DNAH7: variants seen among roughly 807,000 people sequenced by gnomAD.
The protein encoded by DNAH7 is axonemal beta dynein heavy chain 7.
Under a neutral mutation model 444.6 loss-of-function variants are expected in DNAH7, and 397 were observed. The observed-to-expected ratio is 0.89, with a 90% confidence interval of 0.82 to 0.97. DNAH7 has a LOEUF of 0.97. Among genes scored for constraint, DNAH7 ranks in the 50% least tolerant of loss-of-function variants. DNAH7 has a pLI of 0.00. For synonymous variants in DNAH7, 1,636 were observed against 1,624.4 expected, an observed-to-expected ratio of 1.01 and a Z score of -0.17; for missense variants, 4,902 against 4,800.8, an observed-to-expected ratio of 1.02 and a Z score of -0.62.
chr2:195,825,145 C>G (rs1385754536), intron 48 of DNAH7: 1 of 152,134 alleles, frequency 6.6e-6, no homozygotes, highest in African/African-American at 2.4e-5. Context: ...CAGGTGGCAG[C>G]TACTTGGGAG....
chr2:195,947,369 G>A (rs1180710132), intron 19 of DNAH7, among the ~76,000 whole-genome samples: 2 of 151,868 alleles, frequency 1.3e-5, no homozygotes, highest in South Asian at 2.1e-4. Flanking sequence ...AGGTATACAC[G>A]TGCCATCGTG....
At chr2:196,058,374 A>G (rs1458329987) in intron 1 of DNAH7, among the ~76,000 whole-genome samples, 1 of 152,206 alleles carries the variant, frequency 6.6e-6, no homozygotes, top group Non-Finnish European at 1.5e-5. Context: ...TATATATAGG[A>G]TACGCCAGGA....
At position 195,858,495 on chromosome 2, in the gene DNAH7, G is replaced by A. The variant is rs757123752; in HGVS notation, c.8046C>T (p.Ala2682=). The A allele has an allele frequency of 1.9e-6, 3 of 1,608,260 alleles. No individual in the cohort carries two copies. Among genetic ancestry groups the A allele is most frequent in the Non-Finnish European group, 2.5e-6 (3 of 1,176,982 alleles). ...TTACCTGTGCAGTAAGAGTATCAAGGGCGGCCAGTGCTGACTCTAATATTG... is the reference window on the plus strand; with the variant it reads ...TTACCTGTGCAGTAAGAGTATCAAGAGCGGCCAGTGCTGACTCTAATATTG... ...ALPILESALA[A]LDTLTAQDIT... The change falls in exon 43 of 65, where the codon GCC becomes GCT. Residue 2682 remains alanine, a synonymous_variant. Transcript: ENST00000312428.
intron 13 of DNAH7, among the ~76,000 whole-genome samples, chr2:195,987,547 G>T (rs1483281902): frequency 6.6e-6 from 1 of 151,956 alleles, no homozygotes; most frequent in Non-Finnish European, 1.5e-5. Flanking sequence ...AGAAAATTTA[G>T]AAAATGTAAA....
chr2:195,984,249 G>A (rs1692760037), intron 15 of DNAH7, among the ~76,000 whole-genome samples: 1 of 152,158 alleles, frequency 6.6e-6, no homozygotes, highest in Non-Finnish European at 1.5e-5. Context: ...GTGACCCCAT[G>A]GAGACCAGAA....
chr2:195,956,227 A>C (rs1690643820), intron 19 of DNAH7, among the ~76,000 whole-genome samples: 1 of 152,226 alleles, frequency 6.6e-6, no homozygotes, highest in South Asian at 2.1e-4. Flanking sequence ...GATAATACTT[A>C]TCCTACCTTA....
At chr2:195,834,528 T>A in intron 47 of DNAH7, 168 bp from the exon 48 acceptor site, 2 of 595,274 alleles carry the variant, frequency 3.4e-6, no homozygotes, top group Non-Finnish European at 5.0e-6. Flanking sequence ...GTAGATTGAG[T>A]GGGCTACCTG....
chr2:195,753,789 A>C (rs1462117402), intron 63 of DNAH7, among the ~76,000 whole-genome samples: 1 of 152,212 alleles, frequency 6.6e-6, no homozygotes, highest in Non-Finnish European at 1.5e-5. Context: ...ATTTCCTCAC[A>C]ATCTTTCAAC....
At chr2:195,851,613 T>C (rs576673848) in intron 46 of DNAH7, among the ~76,000 whole-genome samples, 29 of 152,266 alleles carry the variant, frequency 1.9e-4, no homozygotes, top group African/African-American at 5.8e-4. Flanking sequence ...TAGGTGATGA[T>C]GGCAAAGTCA....
rs531336738 is a variant in DNAH7 at position 195,991,499 on chromosome 2, TA to T, written c.1354-3271del. On this transcript the variant is annotated intron_variant, in intron 12 of 64. Coordinates refer to ENST00000312428, the MANE Select transcript of DNAH7 (RefSeq NM_018897.3). Reference sequence around the variant, plus strand: ...ATAAAACAAAACAAAATAACACTTTTAAAAAATTACAAAACAGCTAGAAAAT... The same window carrying T: ...ATAAAACAAAACAAAATAACACTTTTAAAAATTACAAAACAGCTAGAAAAT... Among the ~76,000 whole-genome samples the T allele has an allele frequency of 4.9e-4, 75 of 152,306 alleles. 1 individual carries two copies. Among genetic ancestry groups the T allele is most frequent in the African/African-American group, 1.7e-3 (70 of 41,564 alleles).
intron 19 of DNAH7, among the ~76,000 whole-genome samples, chr2:195,948,129 T>C (rs994970054): frequency 6.6e-6 from 1 of 152,210 alleles, no homozygotes; most frequent in Non-Finnish European, 1.5e-5. Context: ...TTGCCCACTT[T>C]CTGATGGGGT....
At chr2:195,869,093 T>A (rs1700522511) in intron 40 of DNAH7, among the ~76,000 whole-genome samples, 1 of 151,910 alleles carries the variant, frequency 6.6e-6, no homozygotes, top group Non-Finnish European at 1.5e-5. Context: ...GAATGGTGAG[T>A]AAAACAGGTT....
At chr2:195,971,832 T>G (rs1188788855) in intron 16 of DNAH7, among the ~76,000 whole-genome samples, 6 of 152,030 alleles carry the variant, frequency 3.9e-5, no homozygotes, top group African/African-American at 1.4e-4. Flanking sequence ...GGCACAATGC[T>G]CATGAGAGTG....
intron 46 of DNAH7, among the ~76,000 whole-genome samples, chr2:195,848,904 C>A (rs1218316854): frequency 6.6e-6 from 1 of 152,120 alleles, no homozygotes; most frequent in African/African-American, 2.4e-5. Flanking sequence ...AAGAATTCTG[C>A]GTTTTTAACT....
intron 24 of DNAH7, among the ~76,000 whole-genome samples, chr2:195,913,311 G>A (rs1465344559): frequency 6.6e-6 from 1 of 152,092 alleles, no homozygotes; most frequent in African/African-American, 2.4e-5. Context: ...TTAACTTTAG[G>A]CTTTATTAAG....
At chr2:196,003,177 G>T (rs530561445) in intron 10 of DNAH7, among the ~76,000 whole-genome samples, 3 of 142,870 alleles carry the variant, frequency 2.1e-5, no homozygotes, top group South Asian at 4.3e-4. Flanking sequence ...AAAAAAAAAA[G>T]ATGGAAAAGA....
At chr2:195,762,370 T>A (rs1694385901) in intron 61 of DNAH7, among the ~76,000 whole-genome samples, 2 of 152,148 alleles carry the variant, frequency 1.3e-5, no homozygotes, top group Admixed American at 1.3e-4. Flanking sequence ...GAGTAAGTAC[T>A]TACTTATCAA....
Position 195,891,666 on chromosome 2 carries a change from C to A in DNAH7, c.5035G>T (p.Ala1679Ser), listed in dbSNP as rs762978119. 14 of 1,589,294 alleles carry A rather than the reference C, an allele frequency of 8.8e-6. No individual in the cohort carries two copies. Among genetic ancestry groups the A allele is most frequent in the Admixed American group, 3.6e-5 (2 of 56,088 alleles). Residue 1679 changes from alanine (A) to serine (S), a missense_variant, in exon 31 of 65, where the codon GCC becomes TCC. Physicochemically the swap from Ala to Ser is moderately conservative, Grantham distance 99. Coordinates refer to ENST00000312428, the MANE Select transcript of DNAH7 (RefSeq NM_018897.3). ...GVLAVSFRAF[A>S]SSVTPDRKWL... The stretch of plus-strand genomic sequence containing the variant: ...GTGTTAGAACTTACCACTGAAGAGG[C>A]AAATGCTCTAAAACTGACAGCAAGG...
intron 33 of DNAH7, among the ~76,000 whole-genome samples, chr2:195,887,956 T>C (rs1279999806): frequency 2.6e-5 from 4 of 152,182 alleles, no homozygotes; most frequent in Non-Finnish European, 5.9e-5. Context: ...ATAAATAATA[T>C]TGTAATAATG....
Sources: allele counts gnomAD v4.1 joint callset (sites outside exome capture counted in the v4.1 genomes callset), GRCh38; gene constraint gnomAD v4.1.1; transcripts MANE v1.5; gene names NCBI Gene and HGNC (gene_info 2026-07-23, HGNC 2026-07-21).